The following MSI2 variants were observed in gnomAD, a reference collection of about 807,000 sequenced individuals.
MSI2 encodes the protein RNA-binding protein Musashi homolog 2.
Under a neutral mutation model 45.6 loss-of-function variants are expected in MSI2, and 17 were observed. The ratio of observed to expected loss-of-function variants is 0.37; its 90% CI spans 0.26 to 0.56. The LOEUF is 0.56. MSI2 is among the 20% of genes least tolerant of loss of function. The pLI is 0.77. For synonymous variants in MSI2, 156 were observed against 158.2 expected, an observed-to-expected ratio of 0.99 and a Z score of 0.11; for missense variants, 293 against 444.2, an observed-to-expected ratio of 0.66 and a Z score of 3.06.
Position 57,297,177 on chromosome 17 carries a change from AGTTTTTTTTT to A in MSI2, c.312+34996_312+35005del, listed in dbSNP as rs1237145985. Among the ~76,000 whole-genome samples the A allele has an allele frequency of 4.3e-5, 6 of 139,252 alleles. No homozygotes were observed. The East Asian group carries it at 1.2e-3, about 28-fold the overall frequency. The allele number at this position is 139,252 out of a possible 152,430, so 91.4% of individuals were successfully genotyped here. Reference sequence around the variant, plus strand: ...TGTGAGCCACCACCATGCTGGGCCCAGTTTTTTTTTGTTTTTTTTTTTTTTAAGTATATTT... The same window carrying A: ...TGTGAGCCACCACCATGCTGGGCCCAGTTTTTTTTTTTTTTAAGTATATTT... On this transcript the variant is annotated intron_variant, in intron 5 of 13. Transcript: ENST00000284073.
chr17:57,372,386 G>A (rs904783343), intron 5 of MSI2, among the ~76,000 whole-genome samples: 4 of 152,330 alleles, frequency 2.6e-5, no homozygotes, highest in African/African-American at 9.6e-5. Flanking sequence ...CACCACAGAT[G>A]TGGGAAGAGG....
intron 6 of MSI2, among the ~76,000 whole-genome samples, chr17:57,446,013 G>C (rs1460152550): frequency 6.6e-6 from 1 of 152,140 alleles, no homozygotes; most frequent in Non-Finnish European, 1.5e-5. Flanking sequence ...CAAGCTCTTT[G>C]CTCTCATGAA....
At chr17:57,569,669 G>A (rs961185751) in intron 7 of MSI2, among the ~76,000 whole-genome samples, 2 of 152,178 alleles carry the variant, frequency 1.3e-5, no homozygotes, top group African/African-American at 4.8e-5. Context: ...TGAAAAGATT[G>A]AAAAATACTT....
chr17:57,273,712 A>G (rs36009637), intron 5 of MSI2, among the ~76,000 whole-genome samples: 33,210 of 152,156 alleles, frequency 0.22, 4,849 homozygotes, highest in African/African-American at 0.42. Flanking sequence ...GTGCATTCAC[A>G]GCATTAGCCC....
At chr17:57,466,076 G>A (rs542142162) in intron 6 of MSI2, among the ~76,000 whole-genome samples, 2 of 152,218 alleles carry the variant, frequency 1.3e-5, no homozygotes, top group Admixed American at 6.5e-5. Flanking sequence ...CCCCAGCTCG[G>A]TGCACACCAG....
intron 10 of MSI2, chr17:57,632,911 T>C: frequency 9.4e-7 from 1 of 1,059,768 alleles, no homozygotes; most frequent in Non-Finnish European, 1.1e-6. Flanking sequence ...AATAATTGGT[T>C]AGTTTCCTTT....
chr17:57,433,322 G>A (rs2084633367), intron 6 of MSI2, among the ~76,000 whole-genome samples: 1 of 152,164 alleles, frequency 6.6e-6, no homozygotes, highest in Non-Finnish European at 1.5e-5. Context: ...TGGGAGGAGG[G>A]TGCTAATGCA....
At chr17:57,638,301 C>A (rs537348527) in intron 10 of MSI2, among the ~76,000 whole-genome samples, 1 of 152,316 alleles carries the variant, frequency 6.6e-6, no homozygotes, top group African/African-American at 2.4e-5. Context: ...ACTGCCTCTG[C>A]TCTCTGTCAC....
intron 5 of MSI2, among the ~76,000 whole-genome samples, chr17:57,305,542 C>G (rs1227731069): frequency 2.6e-5 from 4 of 152,176 alleles, no homozygotes; most frequent in Admixed American, 6.5e-5. Flanking sequence ...ACACGCTGAT[C>G]ACTGTGTGTT....
Position 57,684,253 on chromosome 17 carries a change from A to G in MSI2, c.*4736A>G, listed in dbSNP as rs1170511214. The G allele has an allele frequency of 3.9e-5, 8 of 205,356 alleles. No homozygotes were observed. Among genetic ancestry groups the G allele is most frequent in the Admixed American group, 1.8e-4 (3 of 16,716 alleles). The allele number at this position is 205,356 out of a possible 1,614,324, so 12.7% of individuals were successfully genotyped here. A position where few individuals can be genotyped will look rare whatever the true frequency, so the allele number is the denominator to read the frequency against. ...GCGTGGGCTAGCCAATCTGCCGTTC[A>G]TGGTGTATTGTAAACTCCGAATTCC... On this transcript the variant is annotated 3_prime_UTR_variant, in exon 14 of 14. Transcript: ENST00000284073.
chr17:57,410,169 G>A (rs1329027462), intron 6 of MSI2, among the ~76,000 whole-genome samples: 1 of 151,824 alleles, frequency 6.6e-6, no homozygotes, highest in Non-Finnish European at 1.5e-5. Context: ...TAGGAACTTG[G>A]GCCTTGCAAA....
chr17:57,642,020 G>C (rs1239539734), intron 10 of MSI2, among the ~76,000 whole-genome samples: 1 of 152,226 alleles, frequency 6.6e-6, no homozygotes, highest in Non-Finnish European at 1.5e-5. Context: ...GATGCTAGCT[G>C]TCTGGCCAGC....
At chr17:57,644,698 G>A (rs1910520028) in intron 10 of MSI2, among the ~76,000 whole-genome samples, 1 of 152,176 alleles carries the variant, frequency 6.6e-6, no homozygotes, top group Non-Finnish European at 1.5e-5. Context: ...GGAGATGCAA[G>A]CATGCTGGGG....
intron 5 of MSI2, among the ~76,000 whole-genome samples, chr17:57,344,720 C>T (rs2143807321): frequency 6.6e-6 from 1 of 152,274 alleles, no homozygotes; most frequent in East Asian, 1.9e-4. Flanking sequence ...TGGGTTCACA[C>T]CACACCTCCA....
At chr17:57,283,007 A>C (rs545558718) in intron 5 of MSI2, among the ~76,000 whole-genome samples, 2 of 152,056 alleles carry the variant, frequency 1.3e-5, no homozygotes, top group Non-Finnish European at 2.9e-5. Flanking sequence ...CTTTAACTGC[A>C]AACGGCTGTG....
chr17:57,329,474 A>G (rs1411923993), intron 5 of MSI2, among the ~76,000 whole-genome samples: 1 of 152,160 alleles, frequency 6.6e-6, no homozygotes, highest in Non-Finnish European at 1.5e-5. Flanking sequence ...AATGGCAAAC[A>G]ACATGGTAAA....
At position 57,401,392 on chromosome 17, in the gene MSI2, C is replaced by G. The variant is rs1266958168; in HGVS notation, c.326C>G (p.Thr109Arg). 6.2e-7 allele frequency: 1 copy of G among 1,613,936 alleles called. No individual in the cohort carries two copies. The highest frequency in any genetic ancestry group is 1.3e-5 in the African/African-American group (1 of 74,914). The change falls in exon 6 of 14, where the codon ACA (threonine) becomes AGA (arginine). Residue 109 changes from threonine to arginine, a missense_variant. Coordinates refer to ENST00000284073, the MANE Select transcript of MSI2 (RefSeq NM_138962.4). ...CATTTCTTGCAGATGGTCACAAGAACAAAGAAAATATTTGTAGGCGGGTTA... is the reference window on the plus strand; with the variant it reads ...CATTTCTTGCAGATGGTCACAAGAAGAAAGAAAATATTTGTAGGCGGGTTA... ...RRAQPKMVTR[T>R]KKIFVGGLSA... is the part of the protein sequence containing the mutation.
At chr17:57,414,099 T>C (rs1567809970) in intron 6 of MSI2, among the ~76,000 whole-genome samples, 1 of 152,100 alleles carries the variant, frequency 6.6e-6, no homozygotes, top group African/African-American at 2.4e-5. Flanking sequence ...TAATTACAGA[T>C]TGTGTCATCA....
chr17:57,565,805 G>A (rs767657158), intron 7 of MSI2: 1 of 152,212 alleles, frequency 6.6e-6, no homozygotes, highest in Non-Finnish European at 1.5e-5. Flanking sequence ...GGCATTTCAG[G>A]CAGATGCCCC....
Sources: gnomAD v4.1 joint callset for allele counts (sites outside exome capture counted in the v4.1 genomes callset) on GRCh38, gnomAD v4.1.1 for gene constraint, MANE v1.5 for transcripts, NCBI Gene and HGNC (gene_info 2026-07-23, HGNC 2026-07-21) for gene names.